The following CAAP1 variants were observed in gnomAD, a reference collection of about 807,000 sequenced individuals.
CAAP1 encodes the protein conserved anti-apoptotic protein.
Under a neutral mutation model 34.0 loss-of-function variants are expected in CAAP1, and 20 were observed. The observed-to-expected ratio is 0.59, with a 90% confidence interval of 0.41 to 0.86. The LOEUF (loss-of-function observed/expected upper bound fraction) is 0.86, where lower values mean the gene tolerates loss of function less well. Among genes scored for constraint, CAAP1 ranks in the 40% least tolerant of loss-of-function variants. The pLI is 0.00. For synonymous variants in CAAP1, 213 were observed against 166.7 expected (o/e 1.28, Z -2.14); for missense variants, 538 against 450.5 (o/e 1.19, Z -1.76).
chr9:26,892,455 C>T lies in CAAP1; in HGVS notation c.261G>A (p.Arg87=). 1 of 1,581,050 alleles carries T rather than the reference C, an allele frequency of 6.3e-7. No individual in the cohort carries two copies. The highest frequency in any genetic ancestry group is 8.6e-7 in the Non-Finnish European group (1 of 1,165,036). The part of the protein sequence containing the change: ...SSVERSERRK[R]RSTDSSSVSG... ...AGACGCTGGAAGAGTCGGTACTCCT[C>T]CGCTTCCGGCGCTCGCTGCGCTCCA... The change falls in exon 1 of 6, where the codon CGG becomes CGA. Residue 87 remains arginine (R), a synonymous_variant. Transcript: ENST00000333916.
intron 5 of CAAP1, among the ~76,000 whole-genome samples, chr9:26,846,678 A>T (rs1822616856): frequency 6.6e-6 from 1 of 151,782 alleles, no homozygotes; most frequent in African/African-American, 2.4e-5. Flanking sequence ...GCAAAATGGG[A>T]AAATTAATTT....
intron 4 of CAAP1, among the ~76,000 whole-genome samples, chr9:26,881,463 G>A (rs1025912900): frequency 3.3e-5 from 5 of 152,220 alleles, no homozygotes; most frequent in African/African-American, 1.2e-4. Flanking sequence ...TCTGGTGGAA[G>A]TAAGTTTCAC....
intron 4 of CAAP1, 28 bp from the exon 5 acceptor site, chr9:26,861,167 T>C (rs752252479): frequency 6.7e-6 from 10 of 1,492,468 alleles, no homozygotes; most frequent in Non-Finnish European, 7.5e-6. Context: ...GATCAACCTT[T>C]AAAACTATAT....
chr9:26,889,248 G>A (rs564432933), intron 1 of CAAP1, among the ~76,000 whole-genome samples: 1 of 152,074 alleles, frequency 6.6e-6, no homozygotes, highest in African/African-American at 2.4e-5. Flanking sequence ...GAAACCCCGT[G>A]TCTAATAAAA....
At chr9:26,858,374 C>G (rs1334452156) in intron 5 of CAAP1, among the ~76,000 whole-genome samples, 1 of 152,120 alleles carries the variant, frequency 6.6e-6, no homozygotes, top group Non-Finnish European at 1.5e-5. Context: ...AAGTTACTAT[C>G]TAGTCAGATT....
chr9:26,875,502 AAC>A (rs1823407268), intron 4 of CAAP1, among the ~76,000 whole-genome samples: 2 of 152,236 alleles, frequency 1.3e-5, no homozygotes, highest in South Asian at 4.1e-4. Flanking sequence ...GTATTTTAAT[AAC>A]ACAGATTGCT....
chr9:26,860,082 T>C (rs1822969243), intron 5 of CAAP1, among the ~76,000 whole-genome samples: 1 of 152,346 alleles, frequency 6.6e-6, no homozygotes, highest in Middle Eastern at 3.4e-3. Context: ...CATCAAAGAT[T>C]AGGTGATTAC....
At chr9:26,859,217 G>C (rs1822949149) in intron 5 of CAAP1, among the ~76,000 whole-genome samples, 1 of 152,040 alleles carries the variant, frequency 6.6e-6, no homozygotes, top group Non-Finnish European at 1.5e-5. Flanking sequence ...CTGGACTTTT[G>C]ACATCTGGCT....
chr9:26,880,754 C>T (rs1678215544), intron 4 of CAAP1, among the ~76,000 whole-genome samples: 1 of 152,204 alleles, frequency 6.6e-6, no homozygotes, highest in Non-Finnish European at 1.5e-5. Context: ...TGGCTCACTG[C>T]AACCTCCATT....
chr9:26,845,714 G>T (rs975301078), intron 5 of CAAP1, among the ~76,000 whole-genome samples: 1 of 152,036 alleles, frequency 6.6e-6, no homozygotes, highest in African/African-American at 2.4e-5. Context: ...TTGGTCTCTG[G>T]CTTTTTATCA....
At chr9:26,877,810 T>A (rs894041473) in intron 4 of CAAP1, among the ~76,000 whole-genome samples, 1 of 151,950 alleles carries the variant, frequency 6.6e-6, no homozygotes, top group African/African-American at 2.4e-5. Flanking sequence ...GTCAGAAAAA[T>A]TTTCCTGTAT....
chr9:26,867,587 A>G (rs769393539), intron 4 of CAAP1, among the ~76,000 whole-genome samples: 8 of 152,170 alleles, frequency 5.3e-5, no homozygotes, highest in Admixed American at 1.3e-4. Context: ...TTTTCACTAG[A>G]ATCCATTTTT....
intron 4 of CAAP1, among the ~76,000 whole-genome samples, chr9:26,881,133 A>G (rs1318343189): frequency 6.6e-6 from 1 of 151,598 alleles, no homozygotes; most frequent in Admixed American, 6.6e-5. Flanking sequence ...ACACAGCAAG[A>G]CCCCATCTAA....
chr9:26,862,625 A>T (rs2131311803), intron 4 of CAAP1, among the ~76,000 whole-genome samples: 1 of 152,262 alleles, frequency 6.6e-6, no homozygotes, highest in East Asian at 1.9e-4. Flanking sequence ...ATAAAATACA[A>T]AGGCTGTGGA....
intron 5 of CAAP1, among the ~76,000 whole-genome samples, chr9:26,848,474 C>T (rs1052513596): frequency 6.6e-5 from 10 of 152,160 alleles, no homozygotes; most frequent in African/African-American, 2.2e-4. Flanking sequence ...CAAGATTACA[C>T]CACTGCACTC....
chr9:26,843,533 A>C (rs977240333), intron 5 of CAAP1, among the ~76,000 whole-genome samples: 1 of 151,706 alleles, frequency 6.6e-6, no homozygotes, highest in East Asian at 1.9e-4. Context: ...CATGTGCACA[A>C]TGTGCAGGTT....
intron 4 of CAAP1, among the ~76,000 whole-genome samples, chr9:26,878,329 G>A (rs1823496530): frequency 6.6e-6 from 1 of 152,128 alleles, no homozygotes; most frequent in Non-Finnish European, 1.5e-5. Flanking sequence ...ATGTATTCAT[G>A]CATGTGTTTA....
intron 4 of CAAP1, among the ~76,000 whole-genome samples, chr9:26,876,327 C>A (rs1823427485): frequency 6.6e-6 from 1 of 152,174 alleles, no homozygotes; most frequent in African/African-American, 2.4e-5. Flanking sequence ...GTCTTCCCAT[C>A]TCAAGATCCT....
chr9:26,854,749 AG>A (rs1427222192), intron 5 of CAAP1, among the ~76,000 whole-genome samples: 2 of 152,226 alleles, frequency 1.3e-5, no homozygotes, highest in Non-Finnish European at 2.9e-5. Flanking sequence ...TGATCTGAGA[AG>A]ACAACTCACC....
Sources: gnomAD v4.1 joint callset for allele counts (sites outside exome capture counted in the v4.1 genomes callset) on GRCh38, gnomAD v4.1.1 for gene constraint, MANE v1.5 for transcripts, NCBI Gene and HGNC (gene_info 2026-07-23, HGNC 2026-07-21) for gene names.